Variants in LYZL1 observed in about 807,000 individuals in gnomAD.
LYZL1 encodes lysozyme-like protein 1.
In LYZL1, 16 loss-of-function variants were observed where a neutral mutation model predicts 17.9. The ratio of observed to expected loss-of-function variants is 0.90; its 90% CI spans 0.61 to 1.36. The LOEUF is 1.36. Ranked by LOEUF, LYZL1 falls within the 40% of genes most tolerant of loss-of-function variation. LYZL1 has a pLI of 0.00. For missense variants in LYZL1, 149 were observed against 188.4 expected (o/e 0.79, Z 1.22); for synonymous variants, 58 against 71.8 (o/e 0.81, Z 0.97).
At chr10:29,312,805 G>A (rs1196683058), downstream of LYZL1, among the ~76,000 whole-genome samples, 1 of 152,136 alleles carries the variant, frequency 6.6e-6, no homozygotes, top group African/African-American at 2.4e-5. Context: ...TTCTGCTGGG[G>A]CAGAGCTGGT....
rs762123366 is a variant in LYZL1, at chr10:29,289,159, G to C, written c.-97G>C. The C allele has an allele frequency of 1.2e-6, 2 of 1,606,518 alleles. No homozygotes were observed. The highest frequency in any genetic ancestry group is 2.2e-5 in the East Asian group (1 of 44,670). On this transcript the variant is annotated 5_prime_UTR_variant, in exon 1 of 5. Transcript: ENST00000649382. ...TGAGCTGCCTGTCACCGACTAAGTG[G>C]AGCAGTGTTTCTTCCGCAGACTCAA...
chr10:29,314,894 G>T (rs1835711825), downstream of LYZL1, among the ~76,000 whole-genome samples: 1 of 152,178 alleles, frequency 6.6e-6, no homozygotes, highest in South Asian at 2.1e-4. Context: ...GCCCTGCGGG[G>T]ATCTTCAGAA....
At chr10:29,304,204 T>G (rs1835559586) in intron 3 of LYZL1, among the ~76,000 whole-genome samples, 1 of 152,224 alleles carries the variant, frequency 6.6e-6, no homozygotes, top group African/African-American at 2.4e-5. Flanking sequence ...GCACACACGT[T>G]CATATACCTA....
At position 29,310,274 on chromosome 10, in the gene LYZL1, C is replaced by T. The variant is rs954078495; in HGVS notation, c.377+86C>T. ...TCACAGTTATGGTGGAATTGACAAACTCACCTCCGCAGAGTGGTCCAACCA... is the reference window on the plus strand; with the variant it reads ...TCACAGTTATGGTGGAATTGACAAATTCACCTCCGCAGAGTGGTCCAACCA... On this transcript the variant is annotated intron_variant, in intron 4 of 4. Transcript: ENST00000649382. 3.4e-5 allele frequency: 35 copies of T among 1,030,912 alleles called. No individual in the cohort carries two copies. The African/African-American group carries it at 4.7e-4, about 14-fold the overall frequency. 63.9% of individuals were successfully genotyped at this position (1,030,912 alleles called of 1,614,324 possible). A position where few individuals can be genotyped will look rare whatever the true frequency, so the allele number is the denominator to read the frequency against.
At chr10:29,300,706 G>T (rs140056245) in intron 3 of LYZL1, among the ~76,000 whole-genome samples, 1 of 152,186 alleles carries the variant, frequency 6.6e-6, no homozygotes, top group African/African-American at 2.4e-5. Context: ...TAGACTAGAG[G>T]TCTACTGGCA....
At chr10:29,317,651 A>G (rs1336630833) in intron 4 of LYZL1, among the ~76,000 whole-genome samples, 1 of 152,194 alleles carries the variant, frequency 6.6e-6, no homozygotes, top group East Asian at 1.9e-4. Context: ...CACAGACAAG[A>G]CACTGAACCT....
chr10:29,316,862 G>A (rs965588201), intron 3 of LYZL1, among the ~76,000 whole-genome samples: 3 of 151,842 alleles, frequency 2.0e-5, no homozygotes, highest in South Asian at 2.1e-4. Context: ...GACTACAGGC[G>A]TGAGCCACCA....
chr10:29,303,140 C>T (rs1273170136), intron 3 of LYZL1, among the ~76,000 whole-genome samples: 3 of 152,132 alleles, frequency 2.0e-5, no homozygotes, highest in Non-Finnish European at 4.4e-5. Flanking sequence ...CTGTGCATAC[C>T]CAGTTTAGCC....
chr10:29,316,184 G>A (rs1453664373), downstream of LYZL1, among the ~76,000 whole-genome samples: 1 of 152,158 alleles, frequency 6.6e-6, no homozygotes, highest in Non-Finnish European at 1.5e-5. Flanking sequence ...GCTCCTTGAG[G>A]GCAGGAAGGC....
intron 3 of LYZL1, among the ~76,000 whole-genome samples, chr10:29,294,487 CTCAG>C (rs1267042240): frequency 6.6e-6 from 1 of 152,164 alleles, no homozygotes; most frequent in Non-Finnish European, 1.5e-5. Context: ...GAGGGCAGAG[CTCAG>C]TCAAAGGCAT....
Position 29,311,192 on chromosome 10 carries a change from C to T in LYZL1, c.*133C>T. On this transcript the variant is annotated 3_prime_UTR_variant, in exon 5 of 5. Coordinates refer to ENST00000649382, the MANE Select transcript of LYZL1 (RefSeq NM_032517.6). ...CTTGGAGAGGGAAAATTAAGCTATA[C>T]TTTTAAGAAAATAAATATTTCCATT... The T allele has an allele frequency of 6.3e-7, 1 of 1,590,396 alleles. No homozygotes were observed. Among genetic ancestry groups the T allele is most frequent in the Non-Finnish European group, 8.5e-7 (1 of 1,170,858 alleles).
At chr10:29,316,409 G>A (rs2817837) in intron 3 of LYZL1, among the ~76,000 whole-genome samples, 71,195 of 151,998 alleles carry the variant, frequency 0.47, 16,778 homozygotes, top group Middle Eastern at 0.53. Flanking sequence ...AGAGAGTCTT[G>A]CTGGAGAGCA....
chr10:29,317,414 C>T (rs745671198), exon 4 of LYZL1: 6 of 152,210 alleles, frequency 3.9e-5, no homozygotes, highest in Non-Finnish European at 5.9e-5. Context: ...TCACAATTTC[C>T]CAACAATTAG....
downstream of LYZL1, among the ~76,000 whole-genome samples, chr10:29,316,174 G>A (rs77029226): frequency 0.014 from 2,060 of 152,286 alleles, 43 homozygotes; most frequent in African/African-American, 0.046. Flanking sequence ...ACAAAATGGG[G>A]CTCCTTGAGG....
At chr10:29,298,774 A>G (rs1343044590) in intron 3 of LYZL1, among the ~76,000 whole-genome samples, 1 of 152,130 alleles carries the variant, frequency 6.6e-6, no homozygotes, top group Admixed American at 6.6e-5. Flanking sequence ...TGGTCAGAGA[A>G]TATGGTCTAT....
At chr10:29,291,089 C>T (rs1156804912) in intron 1 of LYZL1, among the ~76,000 whole-genome samples, 2 of 151,938 alleles carry the variant, frequency 1.3e-5, no homozygotes, top group African/African-American at 2.4e-5. Context: ...CCGACGCCTG[C>T]TCAGTTGAAA....
chr10:29,303,718 G>A (rs1835552414), intron 3 of LYZL1, among the ~76,000 whole-genome samples: 1 of 152,168 alleles, frequency 6.6e-6, no homozygotes, highest in Admixed American at 6.5e-5. Flanking sequence ...CAAGATGTTG[G>A]TTTTATAACT....
intron 3 of LYZL1, among the ~76,000 whole-genome samples, chr10:29,300,908 A>T (rs113254104): frequency 0.019 from 2,835 of 152,196 alleles, 86 homozygotes; most frequent in African/African-American, 0.065. Flanking sequence ...TGCAGCCTCA[A>T]CTTCCTGGGC....
intron 2 of LYZL1, 67 bp downstream of exon 2, chr10:29,292,073 G>A: frequency 6.5e-7 from 1 of 1,538,056 alleles, no homozygotes; most frequent in Admixed American, 1.8e-5. Flanking sequence ...GAAGGTCCTG[G>A]CCACACTCCC....
Sources: gnomAD v4.1 joint callset for allele counts (sites outside exome capture counted in the v4.1 genomes callset) on GRCh38, gnomAD v4.1.1 for gene constraint, MANE v1.5 for transcripts, NCBI Gene and HGNC (gene_info 2026-07-23, HGNC 2026-07-21) for gene names.